SATB1: variants seen among roughly 807,000 people sequenced by gnomAD.
SATB1 encodes SATB homeobox 1.
Under a neutral mutation model 86.9 loss-of-function variants are expected in SATB1, and 11 were observed. The observed-to-expected ratio is 0.13, with a 90% CI of 0.08 to 0.21. SATB1 has a LOEUF of 0.21. SATB1 is among the 10% of genes least tolerant of loss of function. The probability of loss-of-function intolerance (pLI) is 1.00; values close to 1 mark genes in which losing one functional copy is unlikely to be tolerated. For synonymous variants in SATB1, 357 were observed against 357.2 expected (o/e 1.00, Z 0.01); for missense variants, 551 against 937.6 (o/e 0.59, Z 5.39).
In SATB1 at chr3:18,349,154, A is replaced by T. The variant is rs775184608; in HGVS notation, c.*16T>A. 6.2e-7 allele frequency: 1 copy of T among 1,609,986 alleles called. No individual in the cohort carries two copies. The highest frequency in any genetic ancestry group is 8.5e-7 in the Non-Finnish European group (1 of 1,177,510). ...AAATACCAGTGGCACTGTTGAACGA[A>T]ACAAATACTTTTATCTCAGTCTTTC... On this transcript the variant is annotated 3_prime_UTR_variant, in exon 11 of 11. Transcript: ENST00000338745. This position sits in a 1 kb window ranked among gnomAD's most constrained non-coding sequence, Gnocchi z 5.5.
chr3:18,415,190 G>C lies in SATB1; in HGVS notation c.560C>G (p.Thr187Ser). 1 of 1,612,984 alleles carries C rather than the reference G, an allele frequency of 6.2e-7. No homozygotes were observed. The highest frequency in any genetic ancestry group is 8.5e-7 in the Non-Finnish European group (1 of 1,179,232). Residue 187 changes from threonine (T) to serine (S), a missense_variant, in exon 5 of 11, where the codon ACC becomes AGC. Around this residue, in one of 8 missense-constraint regions of SATB1, gnomAD observed 153 missense variants for 258.1 expected, o/e 0.59. Transcript: ENST00000338745. ...GTCCTTCAGAGCATTCCTCACTGTG[G>C]TGTGCGACCATTGTTCGGGAGGCAA... Reference protein sequence around the residue: ...EDLPPEQWSHTTVRNALKDLL... With the variant: ...EDLPPEQWSHSTVRNALKDLL...
At chr3:18,389,025 A>G (rs1175288446) in intron 7 of SATB1, among the ~76,000 whole-genome samples, 1 of 152,078 alleles carries the variant, frequency 6.6e-6, no homozygotes, top group Non-Finnish European at 1.5e-5. Context: ...GTCACTTGGG[A>G]GAAAATTTTA....
At chr3:18,388,435 A>G (rs1696455893) in intron 7 of SATB1, among the ~76,000 whole-genome samples, 1 of 152,174 alleles carries the variant, frequency 6.6e-6, no homozygotes, top group African/African-American at 2.4e-5. Context: ...TATATTCTCA[A>G]CTACACAGAT....
rs961520900 is a variant in SATB1 at position 18,347,720 on chromosome 3, A to C, written c.*1450T>G. Reference sequence around the variant, plus strand: ...TTTGACCATCCTATCTCTACTTATTAAGCAAAATGTTAACCAAACAGGTTA... The same window carrying C: ...TTTGACCATCCTATCTCTACTTATTCAGCAAAATGTTAACCAAACAGGTTA... On this transcript the variant is annotated 3_prime_UTR_variant, in exon 11 of 11. Transcript: ENST00000338745. 50 of 152,142 alleles carry C rather than the reference A, an allele frequency of 3.3e-4. No homozygotes were observed. Among genetic ancestry groups the C allele is most frequent in the Non-Finnish European group, 8.8e-5 (6 of 67,972 alleles). The allele number at this position is 152,142 out of a possible 1,614,324, so 9.4% of individuals were successfully genotyped here. A position where few individuals can be genotyped will look rare whatever the true frequency, so the allele number is the denominator to read the frequency against.
In SATB1 at chr3:18,417,074, G is replaced by T; in HGVS notation, c.216C>A (p.Thr72=). 1 of 1,611,398 alleles carries T rather than the reference G, an allele frequency of 6.2e-7. No homozygotes were observed. ...HLMKTNLRKG[T]MLPVFCVVEH... ...CCACCACACAGAAAACTGGCAGCAT[G>T]GTTCCTATCAAAAAGATGAAGAAGA... The change falls in exon 3 of 11, where the codon ACC becomes ACA. Residue 72 remains threonine, a synonymous_variant. Transcript: ENST00000338745.
intron 7 of SATB1, among the ~76,000 whole-genome samples, chr3:18,393,290 T>C (rs1025412530): frequency 1.3e-5 from 2 of 152,316 alleles, no homozygotes; most frequent in South Asian, 2.1e-4. Flanking sequence ...ATAATGTCCT[T>C]CTTCTAATCA....
chr3:18,351,776 G>A lies in SATB1; in HGVS notation c.1779+216C>T, dbSNP rs1175463857. On this transcript the variant is annotated intron_variant, in intron 10 of 10. Coordinates refer to ENST00000338745, the MANE Select transcript of SATB1 (RefSeq NM_002971.6). ...TAAAAAAGGGGTTCCTGTTGCTTTG[G>A]TGGCTGGGAGATGAGGAAAGAGGAA... 1.2e-5 allele frequency: 7 copies of A among 567,416 alleles called. No homozygotes were observed. In the East Asian group the frequency reaches 2.0e-4, roughly 17 times the overall value. 35.1% of individuals were successfully genotyped at this position (567,416 alleles called of 1,614,324 possible). A position where few individuals can be genotyped will look rare whatever the true frequency, so the allele number is the denominator to read the frequency against.
Position 18,348,458 on chromosome 3 carries a change from C to A in SATB1, c.*712G>T, listed in dbSNP as rs573086026. 4 of 152,506 alleles carry A rather than the reference C, an allele frequency of 2.6e-5. No homozygotes were observed. The South Asian group carries it at 8.3e-4, about 32-fold the overall frequency. The allele number at this position is 152,506 out of a possible 1,614,324, so 9.4% of individuals were successfully genotyped here. ...GCAATATTACATTTAACGGAAACTT[C>A]CAAAAAATTAATTACAACATGATGC... On this transcript the variant is annotated 3_prime_UTR_variant, in exon 11 of 11. Transcript: ENST00000338745.
At chr3:18,351,192 TC>T (rs1224154995) in intron 10 of SATB1, 1 of 778,346 alleles carries the variant, frequency 1.3e-6, no homozygotes, top group Non-Finnish European at 2.2e-6. Flanking sequence ...CACAGTGAGC[TC>T]TGCCCAAGAC....
chr3:18,405,148 A>T (rs967763657), intron 5 of SATB1, among the ~76,000 whole-genome samples: 8 of 152,044 alleles, frequency 5.3e-5, no homozygotes, highest in African/African-American at 1.9e-4. Flanking sequence ...CTTATATATT[A>T]TGTTATATCC....
rs1698047322 is a variant in SATB1, at chr3:18,415,156, T to C, written c.594A>G (p.Lys198=). Residue 198 remains lysine, a synonymous_variant, in exon 5 of 11, where the codon AAA becomes AAG. Transcript: ENST00000338745. ...TVRNALKDLL[K]DMNQSSLAKE... ...TGGCCAATGAACTCTGATTCATATC[T>C]TTCAGTAAGTCCTTCAGAGCATTCC... is the stretch of plus-strand genomic sequence containing the variant. The C allele has an allele frequency of 6.2e-7, 1 of 1,613,092 alleles. No homozygotes were observed.
At chr3:18,429,798 T>G (rs1360681069), upstream of SATB1, among the ~76,000 whole-genome samples, 1 of 152,220 alleles carries the variant, frequency 6.6e-6, no homozygotes, top group Non-Finnish European at 1.5e-5. The surrounding 1 kb of genome is among the most constrained non-coding windows in gnomAD (Gnocchi z 4.1). Context: ...TTTGGGTAAT[T>G]ACTGGCTTAA....
chr3:18,437,561 C>A (rs1240075094), intron 1 of SATB1, among the ~76,000 whole-genome samples: 1 of 152,096 alleles, frequency 6.6e-6, no homozygotes, highest in African/African-American at 2.4e-5. Flanking sequence ...TCTAATAACA[C>A]TAATAAGCAT....
chr3:18,364,254 T>A (rs1202662762), intron 9 of SATB1, among the ~76,000 whole-genome samples: 1 of 152,078 alleles, frequency 6.6e-6, no homozygotes, highest in Admixed American at 6.5e-5. Flanking sequence ...GTGCCTGAAA[T>A]AAAATACATA....
At position 18,364,606 on chromosome 3, in the gene SATB1, T is replaced by C. The variant is rs890283642; in HGVS notation, c.1576-12411A>G. Among the ~76,000 whole-genome samples, 5 of 152,176 alleles carry C rather than the reference T, an allele frequency of 3.3e-5. No individual in the cohort carries two copies. In the South Asian group the frequency reaches 1.0e-3, roughly 32 times the overall value. ...TTTTTCATCCAAGTTCATGGTTCCCTGGGGGAGAAGGTGGGCCAAGGTTAA... is the reference window on the plus strand; with the variant it reads ...TTTTTCATCCAAGTTCATGGTTCCCCGGGGGAGAAGGTGGGCCAAGGTTAA... On this transcript the variant is annotated intron_variant, in intron 9 of 10. Coordinates refer to ENST00000338745, the MANE Select transcript of SATB1 (RefSeq NM_002971.6).
At position 18,345,935 on chromosome 3, in the gene SATB1, G is replaced by GAATC; in HGVS notation, c.*3231_*3234dup. On this transcript the variant is annotated 3_prime_UTR_variant, in exon 11 of 11. Transcript: ENST00000338745. The stretch of plus-strand genomic sequence containing the variant: ...GGGATTCTCATTTTTACTCAATCTT[G>GAATC]AATCATCTGAGAATGTTTTCTATTC... The GAATC allele has an allele frequency of 6.6e-6, 1 of 151,966 alleles. No homozygotes were observed. The highest frequency in any genetic ancestry group is 1.9e-4 in the East Asian group (1 of 5,190). 9.4% of individuals were successfully genotyped at this position (151,966 alleles called of 1,614,324 possible). A position where few individuals can be genotyped will look rare whatever the true frequency, so the allele number is the denominator to read the frequency against.
At chr3:18,437,961 T>C (rs1002009722) in intron 1 of SATB1, among the ~76,000 whole-genome samples, 10 of 152,312 alleles carry the variant, frequency 6.6e-5, no homozygotes, top group African/African-American at 2.2e-4. Context: ...TAATCCCCAA[T>C]GATTTCCATT....
chr3:18,362,833 T>C (rs764375611), intron 9 of SATB1, among the ~76,000 whole-genome samples: 3 of 97,008 alleles, frequency 3.1e-5, no homozygotes, highest in Admixed American at 1.3e-4. Context: ...AGAAAAAATA[T>C]TGCTGAATAT....
At chr3:18,429,105 C>CT (rs1381349018), upstream of SATB1, among the ~76,000 whole-genome samples, 1 of 152,056 alleles carries the variant, frequency 6.6e-6, no homozygotes, top group Admixed American at 6.5e-5. This position sits in a 1 kb window ranked among gnomAD's most constrained non-coding sequence, Gnocchi z 4.1. Context: ...CGTGTCAACT[C>CT]TTTGTTTTTT....
Sources: gnomAD v4.1 joint callset for allele counts (sites outside exome capture counted in the v4.1 genomes callset) on GRCh38, gnomAD v4.1.1 for gene constraint, gnomAD v4.1.1 regional missense constraint, Gnocchi (gnomAD v3.1) non-coding constraint, MANE v1.5 for transcripts, NCBI Gene and HGNC (gene_info 2026-07-23, HGNC 2026-07-21) for gene names.